Variants in MBTPS1 observed in about 807,000 individuals in gnomAD.
The protein encoded by MBTPS1 is membrane bound transcription factor peptidase, site 1.
In MBTPS1, 94 loss-of-function variants were observed where a neutral mutation model predicts 127.8. The ratio of observed to expected loss-of-function variants is 0.74; its 90% confidence interval spans 0.62 to 0.87. The LOEUF (loss-of-function observed/expected upper bound fraction) is 0.87, where lower values mean the gene tolerates loss of function less well. Ranked by LOEUF, MBTPS1 falls within the 40% of genes least tolerant of loss-of-function variation. The pLI is 0.00. For synonymous variants in MBTPS1, 632 were observed against 509.4 expected, an observed-to-expected ratio of 1.24 and a Z score of -3.24; for missense variants, 1,636 against 1,353.2, an observed-to-expected ratio of 1.21 and a Z score of -3.28.
chr16:84,099,102 T>C lies in MBTPS1; in HGVS notation c.372A>G (p.Lys124=). 2.5e-6 allele frequency: 4 copies of C among 1,614,182 alleles called. No individual in the cohort carries two copies. The highest frequency in any genetic ancestry group is 3.4e-6 in the Non-Finnish European group (4 of 1,180,032). Residue 124 remains lysine (K), a synonymous_variant, in exon 3 of 23, where the codon AAA becomes AAG. Coordinates refer to ENST00000343411, the MANE Select transcript of MBTPS1 (RefSeq NM_003791.4). ...AGACTTTTCGTTGGGGCGTGACCCG[T>C]TTGATGTTTGGATGATCTTCAAGTG... The part of the protein sequence containing the change: ...LLTLEDHPNI[K]RVTPQRKVFR...
intron 21 of MBTPS1, 85 bp downstream of exon 21, chr16:84,059,217 C>G: frequency 6.7e-7 from 1 of 1,497,288 alleles, no homozygotes; most frequent in Non-Finnish European, 9.1e-7. Flanking sequence ...ATAGTGATGT[C>G]AGTAAAATTC....
intron 4 of MBTPS1, among the ~76,000 whole-genome samples, chr16:84,095,323 C>T (rs79561945): frequency 0.014 from 2,166 of 152,302 alleles, 33 homozygotes; most frequent in Non-Finnish European, 0.024. Context: ...GCCTTCCCTT[C>T]TAACCTCAGA....
intron 8 of MBTPS1, among the ~76,000 whole-genome samples, chr16:84,089,112 A>G (rs1317972114): frequency 6.6e-6 from 1 of 152,228 alleles, no homozygotes; most frequent in Non-Finnish European, 1.5e-5. Context: ...AGGTATGGCC[A>G]GGAGGATGGG....
At position 84,069,859 on chromosome 16, in the gene MBTPS1, T is replaced by C; in HGVS notation, c.1955+7A>G. 1.9e-6 allele frequency: 3 copies of C among 1,611,958 alleles called. No individual in the cohort carries two copies. Among genetic ancestry groups the C allele is most frequent in the Non-Finnish European group, 2.5e-6 (3 of 1,179,282 alleles). On this transcript the variant is annotated splice_region_variant and intron_variant, in intron 14 of 22. Coordinates refer to ENST00000343411, the MANE Select transcript of MBTPS1 (RefSeq NM_003791.4). ...GGGAGGTGAAGTGCATCCTGTGAGGTGCTTACCAGTCTAAAGGGTCATTCT... is the reference window on the plus strand; with the variant it reads ...GGGAGGTGAAGTGCATCCTGTGAGGCGCTTACCAGTCTAAAGGGTCATTCT...
intron 11 of MBTPS1, among the ~76,000 whole-genome samples, chr16:84,076,970 C>T (rs1468996105): frequency 6.6e-6 from 1 of 152,112 alleles, no homozygotes; most frequent in East Asian, 1.9e-4. Flanking sequence ...TCACGCGTGT[C>T]ATCCCAGCAC....
chr16:84,091,625 G>T (rs116842951), intron 7 of MBTPS1, 107 bp downstream of exon 7: 4 of 750,260 alleles, frequency 5.3e-6, no homozygotes, highest in African/African-American at 1.7e-5. Flanking sequence ...TCACAAAGCT[G>T]TCACCACCTG....
intron 12 of MBTPS1, among the ~76,000 whole-genome samples, chr16:84,073,682 A>C (rs1183407119): frequency 1.3e-5 from 2 of 152,170 alleles, no homozygotes; most frequent in Non-Finnish European, 2.9e-5. Flanking sequence ...ATATTAAAAA[A>C]AAAAGACCGT....
At chr16:84,107,606 A>G (rs541839710) in intron 1 of MBTPS1, among the ~76,000 whole-genome samples, 3 of 152,320 alleles carry the variant, frequency 2.0e-5, no homozygotes, top group African/African-American at 7.2e-5. Context: ...CCTTTAAGGA[A>G]AACAAAAATG....
intron 3 of MBTPS1, among the ~76,000 whole-genome samples, chr16:84,098,550 T>C (rs1317419027): frequency 2.0e-5 from 3 of 152,026 alleles, no homozygotes; most frequent in South Asian, 2.1e-4. Flanking sequence ...GAGGTTGAGG[T>C]GAGCCAAGAT....
At chr16:84,087,554 C>T in intron 8 of MBTPS1, 94 bp from the exon 9 acceptor site, 2 of 795,824 alleles carry the variant, frequency 2.5e-6, no homozygotes, top group Non-Finnish European at 4.0e-6. Flanking sequence ...GGCGAATACT[C>T]CCAGAACAAT....
At chr16:84,068,215 TG>T in intron 15 of MBTPS1, 123 bp downstream of exon 15, 1 of 708,942 alleles carries the variant, frequency 1.4e-6, no homozygotes, top group Non-Finnish European at 2.5e-6. Flanking sequence ...CACCCAGCTG[TG>T]GGGCCCACGG....
chr16:84,111,376 C>A (rs2086394278), intron 1 of MBTPS1, among the ~76,000 whole-genome samples: 1 of 151,898 alleles, frequency 6.6e-6, no homozygotes, highest in Non-Finnish European at 1.5e-5. Context: ...CCCGTCTCTA[C>A]AAAAAATACA....
rs2085479617 is a variant in MBTPS1, at chr16:84,054,118, T to G, written c.*331A>C. The G allele has an allele frequency of 4.9e-6, 1 of 205,084 alleles. No individual in the cohort carries two copies. Among genetic ancestry groups the G allele is most frequent in the Non-Finnish European group, 9.8e-6 (1 of 101,678 alleles). The allele number at this position is 205,084 out of a possible 1,614,324, so 12.7% of individuals were successfully genotyped here. A position where few individuals can be genotyped will look rare whatever the true frequency, so the allele number is the denominator to read the frequency against. On this transcript the variant is annotated 3_prime_UTR_variant, in exon 23 of 23. Transcript: ENST00000343411. ...TTTTAGCTTGGTCAGGGTTGTATCA[T>G]TTGTTTGGAAAGTACATCCTTCCCC...
chr16:84,095,950 G>T (rs2086174289), intron 3 of MBTPS1, 145 bp from the exon 4 acceptor site: 1 of 638,758 alleles, frequency 1.6e-6, no homozygotes, highest in Non-Finnish European at 2.7e-6. Flanking sequence ...TTTTCTGGAA[G>T]GACAGTCTCA....
chr16:84,101,915 C>T lies in MBTPS1; in HGVS notation c.-132G>A. 10 of 809,096 alleles carry T rather than the reference C, an allele frequency of 1.2e-5. No homozygotes were observed. Among genetic ancestry groups the T allele is most frequent in the Non-Finnish European group, 2.0e-5 (10 of 506,606 alleles). The allele number at this position is 809,096 out of a possible 1,614,324, so 50.1% of individuals were successfully genotyped here. ...TCAGCCATCTTACAGTCTTGCCCAA[C>T]ATAAATAAAAGTTAAATCCCATGGC... On this transcript the variant is annotated 5_prime_UTR_variant, in exon 2 of 23. The change abolishes an upstream ATG in the 5' untranslated region. Transcript: ENST00000343411.
chr16:84,107,084 C>T (rs910599995), intron 1 of MBTPS1, among the ~76,000 whole-genome samples: 7 of 152,154 alleles, frequency 4.6e-5, no homozygotes, highest in African/African-American at 1.7e-4. Flanking sequence ...GGGCAGAATC[C>T]CGGGCAATCC....
intron 16 of MBTPS1, among the ~76,000 whole-genome samples, chr16:84,067,107 A>G (rs1277288242): frequency 6.6e-6 from 1 of 152,170 alleles, no homozygotes; most frequent in Non-Finnish European, 1.5e-5. Flanking sequence ...TAAATATACA[A>G]TAATTTACTC....
Position 84,067,785 on chromosome 16 carries a change from G to C in MBTPS1, c.2110C>G (p.Pro704Ala), listed in dbSNP as rs1324815558. The part of the protein sequence containing the change: ...LMVDSEEEYF[P>A]EEIAKLRRDV... Reference sequence around the variant, plus strand: ...CTCCGGAGCTTGGCGATCTCTTCAGGGAAGTACTCCTCCTCACTGTCCACC... The same window carrying C: ...CTCCGGAGCTTGGCGATCTCTTCAGCGAAGTACTCCTCCTCACTGTCCACC... The change falls in exon 16 of 23, where the codon CCT becomes GCT. Residue 704 changes from proline (P) to alanine (A), a missense_variant. By Grantham distance (27) the Pro-to-Ala change is conservative. Transcript: ENST00000343411. 5.6e-6 allele frequency: 9 copies of C among 1,613,754 alleles called. No homozygotes were observed. The South Asian group carries it at 8.8e-5, about 16-fold the overall frequency.
chr16:84,066,135 C>G (rs2085680065), intron 17 of MBTPS1, among the ~76,000 whole-genome samples: 1 of 152,176 alleles, frequency 6.6e-6, no homozygotes, highest in South Asian at 2.1e-4. Context: ...AACCAGCTAC[C>G]AAAACCTTAC....
Sources: gnomAD v4.1 joint callset for allele counts (sites outside exome capture counted in the v4.1 genomes callset) on GRCh38, gnomAD v4.1.1 for gene constraint, MANE v1.5 for transcripts, NCBI Gene and HGNC (gene_info 2026-07-23, HGNC 2026-07-21) for gene names.